TAFA2: variants seen among roughly 807,000 people sequenced by gnomAD.
TAFA2 encodes the protein chemokine-like protein TAFA-2.
TAFA2 carries 7 observed loss-of-function variants against 18.8 expected under a neutral mutation model. That is an observed-to-expected ratio of 0.37 (90% CI 0.21 to 0.70). TAFA2 has a LOEUF of 0.70. Among genes scored for constraint, TAFA2 ranks in the 30% least tolerant of loss-of-function variants. The pLI, the probability that TAFA2 is intolerant of heterozygous loss-of-function variation, is 0.53. For synonymous variants in TAFA2, 60 were observed against 54.2 expected, an observed-to-expected ratio of 1.11 and a Z score of -0.47; for missense variants, 122 against 158.1, an observed-to-expected ratio of 0.77 and a Z score of 1.23.
intron 1 of TAFA2, among the ~76,000 whole-genome samples, chr12:62,060,201 C>A (rs1421774344): frequency 1.3e-5 from 2 of 152,138 alleles, no homozygotes. Context: ...CCCTCAGCAG[C>A]CAAGAAATAC....
At chr12:62,164,924 C>T (rs1484839572) in intron 1 of TAFA2, among the ~76,000 whole-genome samples, 1 of 152,074 alleles carries the variant, frequency 6.6e-6, no homozygotes, top group Non-Finnish European at 1.5e-5. Context: ...TCCTCTTCAA[C>T]AGTCCAATTT....
intron 1 of TAFA2, among the ~76,000 whole-genome samples, chr12:61,970,237 G>A (rs1027640638): frequency 6.6e-6 from 1 of 151,598 alleles, no homozygotes; most frequent in Admixed American, 6.6e-5. Context: ...GAGATTACTG[G>A]TAGATATCAT....
chr12:61,822,380 T>C (rs976825525), intron 2 of TAFA2, among the ~76,000 whole-genome samples: 1 of 152,160 alleles, frequency 6.6e-6, no homozygotes, highest in Non-Finnish European at 1.5e-5. Flanking sequence ...TATCCAGTAG[T>C]AAAGGAAACA....
At chr12:61,815,172 T>C (rs1334198476) in intron 2 of TAFA2, among the ~76,000 whole-genome samples, 1 of 151,490 alleles carries the variant, frequency 6.6e-6, no homozygotes, top group Non-Finnish European at 1.5e-5. Flanking sequence ...ATATCTACTA[T>C]ATATTTTCTA....
In TAFA2 at chr12:62,220,938, T is replaced by C. The variant is rs185004857; in HGVS notation, c.-130+37825A>G. ...CTCGCTAACACGGTGAAACCCCATC[T>C]CTACTAAAAAATAGAAAAATTAGCC... On this transcript the variant is annotated intron_variant, in intron 1 of 5. Coordinates refer to the TAFA2 transcript ENST00000551619. Among the ~76,000 whole-genome samples the C allele has an allele frequency of 8.2e-4, 125 of 151,868 alleles. 1 individual carries two copies. Among genetic ancestry groups the C allele is most frequent in the African/African-American group, 2.6e-3 (109 of 41,408 alleles).
At chr12:62,085,817 T>G (rs1044358867) in intron 1 of TAFA2, among the ~76,000 whole-genome samples, 1 of 152,166 alleles carries the variant, frequency 6.6e-6, no homozygotes, top group African/African-American at 2.4e-5. Flanking sequence ...AAACTCCTGT[T>G]GAATTGTAAT....
chr12:62,081,143 C>A (rs963594984), intron 1 of TAFA2, among the ~76,000 whole-genome samples: 2 of 152,018 alleles, frequency 1.3e-5, no homozygotes, highest in Non-Finnish European at 2.9e-5. Flanking sequence ...TGCAGTGAAC[C>A]GAGATCGCGC....
intron 1 of TAFA2, among the ~76,000 whole-genome samples, chr12:62,079,938 C>T (rs1030479381): frequency 2.0e-5 from 3 of 152,214 alleles, no homozygotes; most frequent in African/African-American, 7.2e-5. Context: ...CACAGTTCTA[C>T]AGGTCAGAAT....
At chr12:62,165,832 C>T (rs79118879) in intron 1 of TAFA2, among the ~76,000 whole-genome samples, 1 of 152,004 alleles carries the variant, frequency 6.6e-6, no homozygotes, top group Non-Finnish European at 1.5e-5. Context: ...ATCTTACAAA[C>T]TCCCCAAGTT....
intron 1 of TAFA2, among the ~76,000 whole-genome samples, chr12:62,069,880 T>TC (rs1365946037): frequency 3.9e-5 from 6 of 152,334 alleles, no homozygotes; most frequent in Middle Eastern, 3.4e-3. Flanking sequence ...TTAGATTAAA[T>TC]ACGATGTTTG....
chr12:61,997,165 A>ATGTGTGTGTGTGTGTGTG (rs1280241925), intron 1 of TAFA2, among the ~76,000 whole-genome samples: 1 of 83,724 alleles, frequency 1.2e-5, no homozygotes, highest in South Asian at 3.3e-4. Context: ...CTATATGTAT[A>ATGTGTGTGTGTGTGTGTG]TATGTGTGTG....
intron 4 of TAFA2, among the ~76,000 whole-genome samples, chr12:61,718,564 C>A (rs1361447678): frequency 6.6e-6 from 1 of 152,030 alleles, no homozygotes; most frequent in African/African-American, 2.4e-5. Flanking sequence ...TGAAGACATT[C>A]AAAAAATCCT....
Position 61,724,781 on chromosome 12 carries a change from G to A in TAFA2, c.385-14364C>T, listed in dbSNP as rs1465691844. On this transcript the variant is annotated intron_variant, in intron 4 of 4. Transcript: ENST00000416284. ...TGTGTGTGTGTGTGTGTGTGTGTGT[G>A]TGTGTGTGTGTGTGTGTGTGTATAC... is the stretch of plus-strand genomic sequence containing the variant. Among the ~76,000 whole-genome samples, 203 of 97,658 alleles carry A rather than the reference G, an allele frequency of 2.1e-3. 2 individuals are homozygous for A. The highest frequency in any genetic ancestry group is 8.4e-3 in the African/African-American group (180 of 21,490). The allele number at this position is 97,658 out of a possible 152,430, so 64.1% of individuals were successfully genotyped here. A position where few individuals can be genotyped will look rare whatever the true frequency, so the allele number is the denominator to read the frequency against.
At chr12:61,831,623 T>G (rs1248169965) in intron 2 of TAFA2, among the ~76,000 whole-genome samples, 1 of 152,104 alleles carries the variant, frequency 6.6e-6, no homozygotes, top group Admixed American at 6.6e-5. Context: ...GAAGACTGGC[T>G]TTCCCCCAAA....
intron 1 of TAFA2, among the ~76,000 whole-genome samples, chr12:61,981,339 C>G (rs1356606041): frequency 6.6e-6 from 1 of 152,106 alleles, no homozygotes; most frequent in East Asian, 1.9e-4. Context: ...AGTGTTAGAC[C>G]TAAAACCATA....
At chr12:62,122,269 T>G (rs1009770798) in intron 1 of TAFA2, among the ~76,000 whole-genome samples, 1 of 152,208 alleles carries the variant, frequency 6.6e-6, no homozygotes, top group African/African-American at 2.4e-5. Flanking sequence ...TGAATCCGCC[T>G]GTGAGATCAG....
intron 1 of TAFA2, among the ~76,000 whole-genome samples, chr12:62,179,841 C>A (rs1462990036): frequency 6.6e-6 from 1 of 152,162 alleles, no homozygotes; most frequent in Non-Finnish European, 1.5e-5. Context: ...CTCGTTATAT[C>A]CCACAAAATG....
In TAFA2 at chr12:62,055,322, T is replaced by C. The variant is rs1037403044; in HGVS notation, c.-2+135937A>G. Reference sequence around the variant, plus strand: ...TAAGATAACTATAGCAGTCAATATTTAGCCCATATACTTCAGAATACTAAA... The same window carrying C: ...TAAGATAACTATAGCAGTCAATATTCAGCCCATATACTTCAGAATACTAAA... On this transcript the variant is annotated intron_variant, in intron 1 of 4. Coordinates refer to ENST00000416284, the MANE Select transcript of TAFA2 (RefSeq NM_178539.5). Among the ~76,000 whole-genome samples the C allele has an allele frequency of 5.9e-5, 9 of 152,322 alleles. No homozygotes were observed. In the South Asian group the frequency reaches 1.7e-3, roughly 28 times the overall value.
At chr12:62,008,882 G>A (rs574496478) in intron 1 of TAFA2, among the ~76,000 whole-genome samples, 57 of 152,232 alleles carry the variant, frequency 3.7e-4, no homozygotes, top group African/African-American at 1.3e-3. Flanking sequence ...TTGTTGGGTC[G>A]AATAGAGAAA....
Sources: allele counts gnomAD v4.1 joint callset (sites outside exome capture counted in the v4.1 genomes callset), GRCh38; gene constraint gnomAD v4.1.1; transcripts MANE v1.5; gene names NCBI Gene and HGNC (gene_info 2026-07-23, HGNC 2026-07-21).